NRG1: variants seen among roughly 807,000 people sequenced by gnomAD.
NRG1 encodes neuregulin 1.
In NRG1, 18 loss-of-function variants were observed where a neutral mutation model predicts 63.8. That is an observed-to-expected ratio of 0.28 (90% confidence interval 0.19 to 0.42). The LOEUF (loss-of-function observed/expected upper bound fraction) is 0.42, where lower values mean the gene tolerates loss of function less well. Ranked by LOEUF, NRG1 falls within the 10% of genes least tolerant of loss-of-function variation. The pLI, the probability that NRG1 is intolerant of heterozygous loss-of-function variation, is 1.00. For missense variants in NRG1, 762 were observed against 814.7 expected (o/e 0.94, Z 0.79); for synonymous variants, 302 against 301.3 (o/e 1.00, Z -0.02).
chr8:32,706,573 T>TG (rs1816487676), intron 5 of NRG1, among the ~76,000 whole-genome samples: 2 of 140,440 alleles, frequency 1.4e-5, no homozygotes, highest in African/African-American at 5.2e-5. Context: ...GTGTGTGTGT[T>TG]TGTGTGTAAT....
At chr8:31,923,458 A>G (rs1366080785) in intron 1 of NRG1, among the ~76,000 whole-genome samples, 2 of 152,190 alleles carry the variant, frequency 1.3e-5, no homozygotes, top group Non-Finnish European at 2.9e-5. Flanking sequence ...GCAAGGTTAT[A>G]ATGGCCACAT....
At chr8:32,085,665 A>G (rs1415847834) in intron 1 of NRG1, among the ~76,000 whole-genome samples, 1 of 152,210 alleles carries the variant, frequency 6.6e-6, no homozygotes, top group Non-Finnish European at 1.5e-5. Context: ...TATTGTACAT[A>G]TGATGGTGTC....
chr8:32,675,515 C>T lies in NRG1; in HGVS notation c.503-52434C>T, dbSNP rs115945107. ...TGAATAAGAGTAGTTTACTTGTCTACAGATAAAAACACCTTGGCTGTATTC... is the reference window on the plus strand; with the variant it reads ...TGAATAAGAGTAGTTTACTTGTCTATAGATAAAAACACCTTGGCTGTATTC... On this transcript the variant is annotated intron_variant, in intron 5 of 11. Transcript: ENST00000356819. Among the ~76,000 whole-genome samples, 297 of 152,262 alleles carry T rather than the reference C, an allele frequency of 2.0e-3. 2 individuals are homozygous for T. Among genetic ancestry groups the T allele is most frequent in the African/African-American group, 6.9e-3 (286 of 41,560 alleles).
chr8:31,707,620 A>G (rs1811278203), intron 1 of NRG1, among the ~76,000 whole-genome samples: 1 of 152,104 alleles, frequency 6.6e-6, no homozygotes, highest in African/African-American at 2.4e-5. Flanking sequence ...TTATGATATT[A>G]CTTTTTCAGT....
chr8:31,884,910 G>GA (rs1023108840), intron 1 of NRG1, among the ~76,000 whole-genome samples: 2 of 152,010 alleles, frequency 1.3e-5, no homozygotes, highest in African/African-American at 2.4e-5. Flanking sequence ...GTATAAAAGA[G>GA]AAAAAAGACT....
At chr8:32,613,704 T>A (rs1231154872) in intron 3 of NRG1, among the ~76,000 whole-genome samples, 2 of 152,070 alleles carry the variant, frequency 1.3e-5, no homozygotes, top group Non-Finnish European at 2.9e-5. Context: ...CAGTGAAACT[T>A]GAATGATATA....
intron 1 of NRG1, among the ~76,000 whole-genome samples, chr8:32,370,043 G>T (rs1388333464): frequency 6.6e-6 from 1 of 152,098 alleles, no homozygotes; most frequent in Non-Finnish European, 1.5e-5. Context: ...AGAAAAAAAA[G>T]GGACATAGGT....
At chr8:32,143,332 A>G (rs908029762) in intron 1 of NRG1, among the ~76,000 whole-genome samples, 4 of 152,220 alleles carry the variant, frequency 2.6e-5, no homozygotes, top group African/African-American at 4.8e-5. Context: ...ATCAAAGTCA[A>G]TTAGAACCAG....
At chr8:32,532,019 A>G (rs1831500565) in intron 1 of NRG1, among the ~76,000 whole-genome samples, 1 of 152,184 alleles carries the variant, frequency 6.6e-6, no homozygotes, top group African/African-American at 2.4e-5. Context: ...ATGCTCCCTG[A>G]CATACTAGAA....
intron 1 of NRG1, among the ~76,000 whole-genome samples, chr8:31,855,277 A>G (rs1439986372): frequency 1.3e-5 from 2 of 152,148 alleles, no homozygotes; most frequent in African/African-American, 2.4e-5. Context: ...CAGGACTTGC[A>G]TTATGAATCT....
intron 5 of NRG1, among the ~76,000 whole-genome samples, chr8:32,670,767 G>A (rs373362679): frequency 1.8e-4 from 28 of 152,194 alleles, no homozygotes; most frequent in South Asian, 1.7e-3. Context: ...TTTTAACCAA[G>A]GGACAGTGGA....
rs374356770 is a variant in NRG1 at position 32,471,629 on chromosome 8, GA to G, written c.38-124192del. ...CAAAGCCTTACGTATTTTTTAAGGTGAAAAAAATCCCCCAAGATAGAGTCCG... is the reference window on the plus strand; with the variant it reads ...CAAAGCCTTACGTATTTTTTAAGGTGAAAAAATCCCCCAAGATAGAGTCCG... On this transcript the variant is annotated intron_variant, in intron 1 of 10. Transcript: ENST00000519301. 3.7e-3 allele frequency among the ~76,000 whole-genome samples: 556 copies of G among 151,952 alleles called. 5 individuals are homozygous for G. Among genetic ancestry groups the G allele is most frequent in the African/African-American group, 0.013 (521 of 41,422 alleles).
intron 1 of NRG1, among the ~76,000 whole-genome samples, chr8:31,916,962 C>T (rs1193852719): frequency 1.5e-3 from 225 of 151,596 alleles, no homozygotes; most frequent in South Asian, 2.3e-3. Flanking sequence ...CCAGTGATGG[C>T]AAGCATTTTT....
chr8:31,922,985 G>A, intron 1 of NRG1, among the ~76,000 whole-genome samples: 1 of 152,126 alleles, frequency 6.6e-6, no homozygotes, highest in East Asian at 1.9e-4. Flanking sequence ...GTCCTGGAAG[G>A]GTTCTGGGAA....
In NRG1 at chr8:32,213,979, A is replaced by G. The variant is rs907456373; in HGVS notation, c.38-381849A>G. On this transcript the variant is annotated intron_variant, in intron 1 of 10. Coordinates refer to the NRG1 transcript ENST00000519301. ...GAACTTTGAGTTTCTAGGGTGGCAG[A>G]CTGTGGGAAAGCAAATATATGGGAA... 6.6e-5 allele frequency among the ~76,000 whole-genome samples: 10 copies of G among 152,212 alleles called. 1 individual carries two copies. The highest frequency in any genetic ancestry group is 6.5e-4 in the Admixed American group (10 of 15,278).
At chr8:31,967,286 GTC>G (rs1167389846) in intron 1 of NRG1, among the ~76,000 whole-genome samples, 3 of 151,878 alleles carry the variant, frequency 2.0e-5, no homozygotes, top group Non-Finnish European at 4.4e-5. Flanking sequence ...CTTTCTCCTA[GTC>G]TCTATTTCCC....
At chr8:32,616,617 C>A (rs1387596335) in intron 4 of NRG1, among the ~76,000 whole-genome samples, 1 of 152,044 alleles carries the variant, frequency 6.6e-6, no homozygotes, top group African/African-American at 2.4e-5. Context: ...GGATTGACTC[C>A]ATTTTCATCC....
At chr8:32,106,032 C>G (rs1156754667) in intron 1 of NRG1, among the ~76,000 whole-genome samples, 1 of 152,102 alleles carries the variant, frequency 6.6e-6, no homozygotes, top group African/African-American at 2.4e-5. Context: ...CTTGACTACT[C>G]TCTTAGGATA....
intron 1 of NRG1, among the ~76,000 whole-genome samples, chr8:32,541,953 T>G (rs1191970006): frequency 6.6e-6 from 1 of 152,316 alleles, no homozygotes; most frequent in Middle Eastern, 3.4e-3. Context: ...TGAAAAATAA[T>G]CTTAATGACG....
Sources: gnomAD v4.1 joint callset for allele counts (sites outside exome capture counted in the v4.1 genomes callset) on GRCh38, gnomAD v4.1.1 for gene constraint, MANE v1.5 for transcripts, NCBI Gene and HGNC (gene_info 2026-07-23, HGNC 2026-07-21) for gene names.